CACNA1B: variants seen among roughly 807,000 people sequenced by gnomAD.
CACNA1B encodes the protein voltage-dependent N-type calcium channel subunit alpha-1B.
In CACNA1B, 70 loss-of-function variants were observed where a neutral mutation model predicts 247.2. The observed-to-expected ratio is 0.28, with a 90% CI of 0.23 to 0.35. The LOEUF is 0.35. Among genes scored for constraint, CACNA1B ranks in the 10% least tolerant of loss-of-function variants. CACNA1B has a pLI of 1.00. For synonymous variants in CACNA1B, 1,231 were observed against 1,294.4 expected (o/e 0.95, Z 1.05); for missense variants, 2,367 against 3,197.4 (o/e 0.74, Z 6.26).
In CACNA1B at chr9:137,950,862, T is replaced by G. The variant is rs1957869921; in HGVS notation, c.967-1412T>G. Among the ~76,000 whole-genome samples, 1 of 152,232 alleles carries G rather than the reference T, an allele frequency of 6.6e-6. No individual in the cohort carries two copies. Among genetic ancestry groups the G allele is most frequent in the Admixed American group, 6.5e-5 (1 of 15,280 alleles). ...TGCTTTATGAATAATTTTCAGTATG[T>G]TAATTCCACCTAGTGGGAACAATAT... On this transcript the variant is annotated intron_variant, in intron 6 of 46. Coordinates refer to ENST00000371372, the MANE Select transcript of CACNA1B (RefSeq NM_000718.4). This position sits in a 1 kb window ranked among gnomAD's most constrained non-coding sequence, Gnocchi z 4.8.
intron 20 of CACNA1B, among the ~76,000 whole-genome samples, chr9:138,031,584 A>G (rs796264590): frequency 1.1e-4 from 17 of 152,330 alleles, no homozygotes; most frequent in African/African-American, 3.1e-4. Context: ...AGATATGTCA[A>G]TTGTTGAGAA....
intron 20 of CACNA1B, chr9:138,032,552 T>C (rs370082339): frequency 2.7e-6 from 1 of 364,244 alleles, no homozygotes; most frequent in South Asian, 2.0e-5. Context: ...GGCATTCTTT[T>C]GTGGTAGGTC....
rs759936877 is a variant in CACNA1B, at chr9:138,052,185, C to G, written c.3804C>G (p.Leu1268=). Residue 1268 remains leucine (L), a synonymous_variant, in exon 25 of 47, where the codon CTC becomes CTG. Coordinates refer to ENST00000371372, the MANE Select transcript of CACNA1B (RefSeq NM_000718.4). The surrounding 1 kb of genome is among the most constrained non-coding windows in gnomAD (Gnocchi z 5.1). ...PLKTIKRLPK[L]KAVFDCVVNS... is the part of the protein sequence containing the mutation. The stretch of plus-strand genomic sequence containing the variant: ...AGACCATCAAACGGCTGCCCAAGCT[C>G]AAGGTTAGAGCCTGGAGTTGGGGCT... 1 of 1,598,338 alleles carries G rather than the reference C, an allele frequency of 6.3e-7. No homozygotes were observed. Among genetic ancestry groups the G allele is most frequent in the South Asian group, 1.1e-5 (1 of 89,912 alleles).
At chr9:137,937,550 T>C (rs777084440) in intron 6 of CACNA1B, among the ~76,000 whole-genome samples, 1 of 152,196 alleles carries the variant, frequency 6.6e-6, no homozygotes, top group Non-Finnish European at 1.5e-5. Flanking sequence ...CTAGCCTTGC[T>C]AGAGACTTAG....
At chr9:138,038,063 T>C (rs1194306176) in intron 20 of CACNA1B, among the ~76,000 whole-genome samples, 1 of 152,236 alleles carries the variant, frequency 6.6e-6, no homozygotes, top group African/African-American at 2.4e-5. Flanking sequence ...ATTCTGTCCC[T>C]TTATTTATAA....
At chr9:137,985,959 G>A (rs1958355850) in intron 13 of CACNA1B, among the ~76,000 whole-genome samples, 1 of 152,254 alleles carries the variant, frequency 6.6e-6, no homozygotes, top group African/African-American at 2.4e-5. Context: ...CACAGCGCTT[G>A]CAGATCTGCT....
rs554863285 is a variant in CACNA1B at position 137,971,902 on chromosome 9, C to A, written c.1543+310C>A. Among the ~76,000 whole-genome samples, 2 of 152,096 alleles carry A rather than the reference C, an allele frequency of 1.3e-5. No homozygotes were observed. ...CACCCAGGGCAGGATATATGTGGGA[C>A]GACCAGGGGCGAGTCAGGCCAGGCA... On this transcript the variant is annotated intron_variant, in intron 11 of 46. Coordinates refer to ENST00000371372, the MANE Select transcript of CACNA1B (RefSeq NM_000718.4). The surrounding 1 kb of genome is among the most constrained non-coding windows in gnomAD (Gnocchi z 4.4).
chr9:138,080,669 G>C lies in CACNA1B; in HGVS notation c.5094+2411G>C, dbSNP rs146596044. ...GCCAGGTGCTAAGTTTTTCATGAAG[G>C]AAGGGGAAACTTAATAGATGATGTG... On this transcript the variant is annotated intron_variant, in intron 36 of 46. Transcript: ENST00000371372. 6.4e-4 allele frequency among the ~76,000 whole-genome samples: 97 copies of C among 152,280 alleles called. 2 individuals carry two copies. The East Asian group carries it at 0.015, about 24-fold the overall frequency.
In CACNA1B at chr9:138,010,026, C is replaced by T. The variant is rs1373087355; in HGVS notation, c.2109C>T (p.Val703=). The T allele has an allele frequency of 9.3e-6, 15 of 1,613,642 alleles. No individual in the cohort carries two copies. The highest frequency in any genetic ancestry group is 1.2e-5 in the Non-Finnish European group (14 of 1,179,700). The change falls in exon 17 of 47, where the codon GTC becomes GTT. Residue 703 remains valine (V), a synonymous_variant. Transcript: ENST00000371372. This position sits in a 1 kb window ranked among gnomAD's most constrained non-coding sequence, Gnocchi z 5.3. ...CCCAACCAGACACTCTGCTGAATGT[C>T]TTTCTGGCCATCGCTGTGGACAACC... ...TLFGNYTLLN[V]FLAIAVDNLA...
rs569633727 is a variant in CACNA1B at position 137,990,809 on chromosome 9, A to C, written c.1974+3955A>C. Among the ~76,000 whole-genome samples, 1 of 152,346 alleles carries C rather than the reference A, an allele frequency of 6.6e-6. No homozygotes were observed. The highest frequency in any genetic ancestry group is 2.1e-4 in the South Asian group (1 of 4,820). ...ACAGACACTCCCCAGTACCAGCCTG[A>C]AGCCTGGTAGCTCCACTGGGTGGGT... On this transcript the variant is annotated intron_variant, in intron 15 of 46. Coordinates refer to ENST00000371372, the MANE Select transcript of CACNA1B (RefSeq NM_000718.4). The surrounding 1 kb of genome is among the most constrained non-coding windows in gnomAD (Gnocchi z 4.5).
chr9:138,059,175 G>A lies in CACNA1B; in HGVS notation c.4570G>A (p.Ala1524Thr), dbSNP rs750210669. ...CATGGAATGCGTGCTGAAGATCATC[G>A]CCTTTGGGGTGCTGGTACGTGCTTT... is the stretch of plus-strand genomic sequence containing the variant. ...FSMECVLKII[A>T]FGVLNYFRDA... The change falls in exon 30 of 47, where the codon GCC (alanine) becomes ACC (threonine). Residue 1524 changes from alanine (A) to threonine (T), a missense_variant. Around this residue, in one of 12 missense-constraint regions of CACNA1B, gnomAD observed 436 missense variants for 679.5 expected, o/e 0.64. Transcript: ENST00000371372. This position sits in a 1 kb window ranked among gnomAD's most constrained non-coding sequence, Gnocchi z 4.2. 19 of 1,605,868 alleles carry A rather than the reference G, an allele frequency of 1.2e-5. No individual in the cohort carries two copies. The South Asian group carries it at 1.3e-4, about 11-fold the overall frequency.
At chr9:137,965,055 C>T (rs1958058896) in intron 10 of CACNA1B, among the ~76,000 whole-genome samples, 1 of 152,254 alleles carries the variant, frequency 6.6e-6, no homozygotes, top group Non-Finnish European at 1.5e-5. Flanking sequence ...AAGATGGCAT[C>T]CTGCCGCATC....
At chr9:137,941,892 A>G (rs1776876347) in intron 6 of CACNA1B, among the ~76,000 whole-genome samples, 1 of 152,200 alleles carries the variant, frequency 6.6e-6, no homozygotes, top group Non-Finnish European at 1.5e-5. Context: ...ATAACATTGG[A>G]AAAACCCTTG....
At chr9:137,908,103 AT>A (rs1297347105) in intron 3 of CACNA1B, among the ~76,000 whole-genome samples, 1 of 152,168 alleles carries the variant, frequency 6.6e-6, no homozygotes, top group Non-Finnish European at 1.5e-5. Flanking sequence ...GCAAGAGCTA[AT>A]TTCCTGGTTT....
chr9:138,008,668 G>T (rs976536131), intron 16 of CACNA1B, among the ~76,000 whole-genome samples: 8 of 152,252 alleles, frequency 5.3e-5, no homozygotes, highest in Non-Finnish European at 8.8e-5. Flanking sequence ...AGTACCACAG[G>T]GAGAGTGGCT....
intron 6 of CACNA1B, among the ~76,000 whole-genome samples, chr9:137,918,289 A>C (rs1007055316): frequency 3.3e-5 from 5 of 151,310 alleles, no homozygotes; most frequent in African/African-American, 7.3e-5. Context: ...CCATCCCCCC[A>C]CCACCGACTC....
chr9:138,003,898 A>G (rs1261069773), intron 15 of CACNA1B, among the ~76,000 whole-genome samples: 2 of 151,294 alleles, frequency 1.3e-5, no homozygotes, highest in Non-Finnish European at 2.9e-5. Flanking sequence ...CTAGGACTAC[A>G]GACGTGAGCC....
Position 137,919,123 on chromosome 9 carries a change from G to A in CACNA1B, c.966+1692G>A, listed in dbSNP as rs1378883898. On this transcript the variant is annotated intron_variant, in intron 6 of 46. Transcript: ENST00000371372. This position sits in a 1 kb window ranked among gnomAD's most constrained non-coding sequence, Gnocchi z 4.6. ...CTCAGATTCTTCTGCCTGGGTCTCTGCCTCCCGCAGGAGGGGATGGGCAGG... is the reference window on the plus strand; with the variant it reads ...CTCAGATTCTTCTGCCTGGGTCTCTACCTCCCGCAGGAGGGGATGGGCAGG... 6.6e-6 allele frequency among the ~76,000 whole-genome samples: 1 copy of A among 152,254 alleles called. No homozygotes were observed. The highest frequency in any genetic ancestry group is 1.9e-4 in the East Asian group (1 of 5,194).
In CACNA1B at chr9:137,950,457, G is replaced by A. The variant is rs1041086835; in HGVS notation, c.967-1817G>A. ...GGGCTGGGGGGCCGTGATAACCCCT[G>A]CTGAGGAGGAACGTTCCACTTCCTA... On this transcript the variant is annotated intron_variant, in intron 6 of 46. Coordinates refer to ENST00000371372, the MANE Select transcript of CACNA1B (RefSeq NM_000718.4). This position sits in a 1 kb window ranked among gnomAD's most constrained non-coding sequence, Gnocchi z 4.8. 6.6e-6 allele frequency among the ~76,000 whole-genome samples: 1 copy of A among 152,198 alleles called. No homozygotes were observed. Among genetic ancestry groups the A allele is most frequent in the African/African-American group, 2.4e-5 (1 of 41,444 alleles).
Sources: allele counts gnomAD v4.1 joint callset (sites outside exome capture counted in the v4.1 genomes callset), GRCh38; gene constraint gnomAD v4.1.1; regional missense constraint gnomAD v4.1.1; non-coding constraint Gnocchi (gnomAD v3.1); transcripts MANE v1.5; gene names NCBI Gene and HGNC (gene_info 2026-07-23, HGNC 2026-07-21).